The following TLE2 variants were observed in gnomAD, a reference collection of about 807,000 sequenced individuals.
TLE2 encodes TLE family member 2, transcriptional corepressor.
In TLE2, 74 loss-of-function variants were observed where a neutral mutation model predicts 97.2. The observed-to-expected ratio is 0.76, with a 90% CI of 0.63 to 0.92. The LOEUF is 0.92. Ranked by LOEUF, TLE2 falls within the 40% of genes least tolerant of loss-of-function variation. The pLI, the probability that TLE2 is intolerant of heterozygous loss-of-function variation, is 0.00. For synonymous variants in TLE2, 499 were observed against 432.1 expected (o/e 1.15, Z -1.92); for missense variants, 1,038 against 1,008.7 (o/e 1.03, Z -0.39).
chr19:3,025,333 TCA>T lies in TLE2; in HGVS notation c.232-253_232-252del, dbSNP rs997604682. The T allele has an allele frequency of 1.3e-5, 16 of 1,273,194 alleles. No individual in the cohort carries two copies. In the African/African-American group the frequency reaches 1.5e-4, roughly 12 times the overall value. The allele number at this position is 1,273,194 out of a possible 1,614,324, so 78.9% of individuals were successfully genotyped here. On this transcript the variant is annotated intron_variant, in intron 4 of 19. Coordinates refer to ENST00000262953, the MANE Select transcript of TLE2 (RefSeq NM_003260.5). ...AAGACCAGGGCTGAGGTCCTACGAG[TCA>T]CAGATACACCACCCGCCAGACGCAC... is the stretch of plus-strand genomic sequence containing the variant.
chr19:3,017,953 A>T, intron 7 of TLE2, 94 bp from the exon 8 acceptor site: 1 of 1,214,948 alleles, frequency 8.2e-7, no homozygotes, highest in Non-Finnish European at 1.2e-6. Context: ...CAGTTTATAA[A>T]GCCCCCCGCC....
rs933763577 is a variant in TLE2, at chr19:3,005,349, G to A, written c.1896+88C>T. On this transcript the variant is annotated intron_variant, in intron 17 of 19. Coordinates refer to ENST00000262953, the MANE Select transcript of TLE2 (RefSeq NM_003260.5). ...GCAGATGGGAGTCCTGTCCTGTCCT[G>A]CCTCTGGAAGTGGGCACCTCACAAG... 5.7e-5 allele frequency: 86 copies of A among 1,516,810 alleles called. No individual in the cohort carries two copies. The African/African-American group carries it at 1.1e-3, about 19-fold the overall frequency. The allele number at this position is 1,516,810 out of a possible 1,614,324, so 94.0% of individuals were successfully genotyped here.
upstream of TLE2, among the ~76,000 whole-genome samples, chr19:3,031,094 C>T (rs34314962): frequency 0.062 from 9,382 of 152,198 alleles, 429 homozygotes; most frequent in Middle Eastern, 0.13. Flanking sequence ...TCCCTGCCCT[C>T]TCTGAGTTTG....
rs377647599 is a variant in TLE2, at chr19:3,019,312, C to A, written c.521G>T (p.Arg174Leu). ...AQLAAAVKED[R>L]AGVEAEGSRV... is the part of the protein sequence containing the mutation. The stretch of plus-strand genomic sequence containing the variant: ...GGACCCCTCGGCCTCCACGCCCGCA[C>A]GGTCCTCCTTGACAGCCGCCGCCAG... Residue 174 changes from arginine to leucine, a missense_variant, in exon 7 of 20, where the codon CGT becomes CTT. Physicochemically the swap from Arg to Leu is moderately radical, Grantham distance 102. Coordinates refer to ENST00000262953, the MANE Select transcript of TLE2 (RefSeq NM_003260.5). This position sits in a 1 kb window ranked among gnomAD's most constrained non-coding sequence, Gnocchi z 5.1. The A allele has an allele frequency of 2.5e-6, 4 of 1,577,156 alleles. No homozygotes were observed. The African/African-American group carries it at 5.4e-5, about 21-fold the overall frequency.
intron 2 of TLE2, 68 bp downstream of exon 2, chr19:3,028,638 C>T (rs2089987209): frequency 2.6e-6 from 4 of 1,548,182 alleles, no homozygotes; most frequent in South Asian, 1.1e-5. Context: ...CCGCCCTATA[C>T]CCCGGAGGCC....
intron 5 of TLE2, 71 bp downstream of exon 5, chr19:3,024,949 G>A (rs2089915081): frequency 5.0e-6 from 7 of 1,396,282 alleles, no homozygotes; most frequent in African/African-American, 1.4e-5. Flanking sequence ...GGGCGTCCTC[G>A]CCCAGACCTA....
At chr19:3,041,014 T>TGTATATATATATATATATATA (rs55998855) in intron 1 of TLE2, among the ~76,000 whole-genome samples, 2 of 20,166 alleles carry the variant, frequency 9.9e-5, no homozygotes, top group Non-Finnish European at 1.7e-4. Flanking sequence ...TATATATATA[T>TGTATATATATATATATATATA]TTTTTTTTTT....
At chr19:3,020,840 C>T (rs191191595) in intron 5 of TLE2, among the ~76,000 whole-genome samples, 158 of 152,198 alleles carry the variant, frequency 1.0e-3, no homozygotes, top group African/African-American at 3.7e-3. Flanking sequence ...AATCACAGCA[C>T]TTTGGGAGGC....
upstream of TLE2, among the ~76,000 whole-genome samples, chr19:3,033,950 A>C (rs2090044811): frequency 6.6e-6 from 1 of 151,526 alleles, no homozygotes; most frequent in Admixed American, 6.6e-5. Flanking sequence ...GGGCTCTGAG[A>C]CACCGCCTCT....
chr19:3,010,386 AC>A (rs2089571110), intron 12 of TLE2, among the ~76,000 whole-genome samples: 1 of 149,018 alleles, frequency 6.7e-6, no homozygotes, highest in Admixed American at 6.7e-5. Flanking sequence ...AAAAAAAAAA[AC>A]AAAACCCAGG....
rs776053623 is a variant in TLE2, at chr19:3,027,860, G to C, written c.200C>G (p.Ser67Trp). The change falls in exon 4 of 20, where the codon TCG (serine) becomes TGG (tryptophan). Residue 67 changes from serine (S) to tryptophan (W), a missense_variant. By Grantham distance (177) the Ser-to-Trp change is radical (BLOSUM62 -3). Transcript: ENST00000262953. ...ATGCATTTCAATGTTGAGCCCGTAC[G>C]ACATCTCATAATACTGCAAAGGAAA... is the stretch of plus-strand genomic sequence containing the variant. ...QRHYVMYYEM[S>W]YGLNIEMHKQ... 3.7e-6 allele frequency: 6 copies of C among 1,611,198 alleles called. No homozygotes were observed. In the South Asian group the frequency reaches 5.6e-5, roughly 15 times the overall value.
rs1449297705 is a variant in TLE2 at position 3,005,568 on chromosome 19, T to C, written c.1765A>G (p.Thr589Ala). Residue 589 changes from threonine (T) to alanine (A), a missense_variant, in exon 17 of 20, where the codon ACG (threonine) becomes GCG (alanine). Physicochemically the swap from Thr to Ala is moderately conservative, Grantham distance 58. Coordinates refer to ENST00000262953, the MANE Select transcript of TLE2 (RefSeq NM_003260.5). ...QTMVRQFQGHTDGASCIDISD... is the reference protein window; with the variant it reads ...QTMVRQFQGHADGASCIDISD... ...ATATCAATGCAGCTGGCGCCGTCCG[T>C]GTGGCCCTGGAACTGCCTGGAGGGA... is the stretch of plus-strand genomic sequence containing the variant. 1.9e-6 allele frequency: 3 copies of C among 1,613,352 alleles called. No homozygotes were observed. The highest frequency in any genetic ancestry group is 1.7e-6 in the Non-Finnish European group (2 of 1,179,680).
chr19:3,046,635 C>T (rs2090143181), upstream of TLE2, among the ~76,000 whole-genome samples: 1 of 151,670 alleles, frequency 6.6e-6, no homozygotes, highest in Non-Finnish European at 1.5e-5. Context: ...GATTCTCCTC[C>T]CTCCACTGAG....
At chr19:3,027,069 C>G (rs1410509322) in intron 4 of TLE2, among the ~76,000 whole-genome samples, 1 of 151,986 alleles carries the variant, frequency 6.6e-6, no homozygotes, top group Admixed American at 6.6e-5. Flanking sequence ...ATCTCAGAAC[C>G]GTGAGGTCTA....
chr19:3,045,874 G>C (rs2090137795), upstream of TLE2: 1 of 336,132 alleles, frequency 3.0e-6, no homozygotes, highest in Admixed American at 3.4e-5. Context: ...TCCTGCATTT[G>C]AATCCAGATT....
rs945747863 is a variant in TLE2, at chr19:3,025,237, C to T, written c.232-155G>A. 39 of 1,078,538 alleles carry T rather than the reference C, an allele frequency of 3.6e-5. No individual in the cohort carries two copies. The African/African-American group carries it at 5.7e-4, about 16-fold the overall frequency. The allele number at this position is 1,078,538 out of a possible 1,614,324, so 66.8% of individuals were successfully genotyped here. On this transcript the variant is annotated intron_variant, in intron 4 of 19. Transcript: ENST00000262953. ...GAACTCAGGCTAGCATGGCATGGGC[C>T]GAGGTGGGATTCAGAGCCCCACCAG...
chr19:3,009,152 C>G (rs1331171383), intron 13 of TLE2, among the ~76,000 whole-genome samples: 1 of 152,106 alleles, frequency 6.6e-6, no homozygotes, highest in Non-Finnish European at 1.5e-5. Context: ...CCAGGAAATC[C>G]TAGAACTCCA....
chr19:3,000,677 C>T lies in TLE2; in HGVS notation c.2094G>A (p.Trp698Ter). The change falls in exon 19 of 20, where the codon TGG (tryptophan) becomes TGA (stop). Residue 698 changes from tryptophan to a stop codon, truncating the protein, a stop_gained. Coordinates refer to ENST00000262953, the MANE Select transcript of TLE2 (RefSeq NM_003260.5). LOFTEE classifies it high-confidence loss of function. ...STGKDNLLNAWRTPYGASIFQ... is the reference protein window; with the variant it reads ...STGKDNLLNA ...AAATGCTGGCCCCGTACGGCGTCCT[C>T]CAGGCGTTGAGCAGGTTGTCCTTCC... 6.3e-7 allele frequency: 1 copy of T among 1,594,302 alleles called. No individual in the cohort carries two copies. Among genetic ancestry groups the T allele is most frequent in the South Asian group, 1.1e-5 (1 of 87,524 alleles).
At chr19:3,011,794 G>C (rs1314125442) in intron 11 of TLE2, among the ~76,000 whole-genome samples, 1 of 152,068 alleles carries the variant, frequency 6.6e-6, no homozygotes, top group Non-Finnish European at 1.5e-5. Flanking sequence ...AGGTTGCAGT[G>C]AGCCGAGATC....
Sources: allele counts gnomAD v4.1 joint callset (sites outside exome capture counted in the v4.1 genomes callset), GRCh38; gene constraint gnomAD v4.1.1; non-coding constraint Gnocchi (gnomAD v3.1); transcripts MANE v1.5; gene names NCBI Gene and HGNC (gene_info 2026-07-23, HGNC 2026-07-21).